The following RPH3A variants were observed in gnomAD, a reference collection of about 807,000 sequenced individuals.
The protein encoded by RPH3A is rabphilin-3A.
Under a neutral mutation model 102.2 loss-of-function variants are expected in RPH3A, and 48 were observed. The observed-to-expected ratio is 0.47, with a 90% CI of 0.37 to 0.60. RPH3A has a LOEUF of 0.60. RPH3A is among the 20% of genes least tolerant of loss of function. The pLI, the probability that RPH3A is intolerant of heterozygous loss-of-function variation, is 0.00. For synonymous variants in RPH3A, 310 were observed against 324.3 expected (o/e 0.96, Z 0.47); for missense variants, 781 against 910.1 (o/e 0.86, Z 1.83).
chr12:112,825,607 G>C (rs1340371262), intron 2 of RPH3A, among the ~76,000 whole-genome samples: 2 of 152,166 alleles, frequency 1.3e-5, no homozygotes, highest in Non-Finnish European at 2.9e-5. Context: ...GCCTGGCTGA[G>C]TTGAGCCGCA....
chr12:112,883,260 T>C (rs758887455), intron 15 of RPH3A, 33 bp from the exon 16 acceptor site: 1 of 1,551,566 alleles, frequency 6.4e-7, no homozygotes, highest in South Asian at 1.1e-5. Context: ...CCCACTGAGG[T>C]AGGTGTCTCT....
chr12:112,894,727 A>C, intron 20 of RPH3A, 68 bp downstream of exon 20: 1 of 1,338,740 alleles, frequency 7.5e-7, no homozygotes, highest in South Asian at 1.3e-5. Flanking sequence ...ACAAATAGCC[A>C]CATAGCCATT....
In RPH3A at chr12:112,716,630, C is replaced by G. The variant is rs1339409709; in HGVS notation, c.-139-75513C>G. Reference sequence around the variant, plus strand: ...GTTGGAAGGGCACATCTCACTTTCACCCGTGTCTCATTGGCCACACCAAGT... The same window carrying G: ...GTTGGAAGGGCACATCTCACTTTCAGCCGTGTCTCATTGGCCACACCAAGT... On this transcript the variant is annotated intron_variant, in intron 1 of 21. Coordinates refer to the RPH3A transcript ENST00000543106. Among the ~76,000 whole-genome samples the G allele has an allele frequency of 5.3e-5, 8 of 152,274 alleles. 1 individual carries two copies. Among genetic ancestry groups the G allele is most frequent in the South Asian group, 4.2e-4 (2 of 4,818 alleles).
At chr12:112,829,235 T>C (rs1487387306) in intron 3 of RPH3A, among the ~76,000 whole-genome samples, 1 of 152,162 alleles carries the variant, frequency 6.6e-6, no homozygotes, top group Non-Finnish European at 1.5e-5. Context: ...AATGTCAGGA[T>C]GTAGTTGTTG....
chr12:112,894,507 G>T, intron 19 of RPH3A, 71 bp from the exon 20 acceptor site: 1 of 1,330,136 alleles, frequency 7.5e-7, no homozygotes, highest in Non-Finnish European at 1.1e-6. Context: ...TAAAGAAGGG[G>T]CCTTTGGGGT....
chr12:112,841,700 TTTTTTGG>T (rs1331207359), intron 4 of RPH3A, among the ~76,000 whole-genome samples: 1 of 115,930 alleles, frequency 8.6e-6, no homozygotes, highest in Non-Finnish European at 1.8e-5. Context: ...TTTTTTTTGT[TTTTTTGG>T]TTTTTTTTTT....
chr12:112,710,207 A>C (rs1781923576), intron 1 of RPH3A, among the ~76,000 whole-genome samples: 1 of 151,954 alleles, frequency 6.6e-6, no homozygotes, highest in Non-Finnish European at 1.5e-5. Flanking sequence ...CGATCTCCTG[A>C]CCTCGTGATC....
chr12:112,682,997 A>G (rs1370658436), intron 1 of RPH3A, among the ~76,000 whole-genome samples: 1 of 152,212 alleles, frequency 6.6e-6, no homozygotes, highest in Non-Finnish European at 1.5e-5. Flanking sequence ...TCTCTTTGGT[A>G]GCTTTGCATG....
intron 1 of RPH3A, among the ~76,000 whole-genome samples, chr12:112,701,469 G>C (rs1309783701): frequency 6.6e-6 from 1 of 152,242 alleles, no homozygotes; most frequent in African/African-American, 2.4e-5. Flanking sequence ...AGGTAGCTAT[G>C]AGAAGGTGGG....
At chr12:112,743,236 G>A (rs931585921) in intron 1 of RPH3A, among the ~76,000 whole-genome samples, 13 of 152,196 alleles carry the variant, frequency 8.5e-5, no homozygotes, top group African/African-American at 2.9e-4. Context: ...GGGGGTGGGT[G>A]GGGAGGAGCA....
chr12:112,646,893 T>C (rs1352562825), intron 1 of RPH3A, among the ~76,000 whole-genome samples: 1 of 152,168 alleles, frequency 6.6e-6, no homozygotes, highest in East Asian at 1.9e-4. Context: ...GAGATGACCT[T>C]GTAAATGGGC....
At chr12:112,582,620 T>TC (rs2039408087) in intron 1 of RPH3A, among the ~76,000 whole-genome samples, 1 of 144,522 alleles carries the variant, frequency 6.9e-6, no homozygotes, top group African/African-American at 2.6e-5. Context: ...CTAGCTTTTT[T>TC]TTTTTTTTTT....
intron 1 of RPH3A, among the ~76,000 whole-genome samples, chr12:112,703,749 T>C (rs1762024329): frequency 6.6e-6 from 1 of 152,142 alleles, no homozygotes; most frequent in African/African-American, 2.4e-5. Context: ...ATCCATGATC[T>C]CCACATCTGC....
chr12:112,805,147 C>A (rs964656665), intron 2 of RPH3A, among the ~76,000 whole-genome samples: 4 of 152,020 alleles, frequency 2.6e-5, no homozygotes, highest in African/African-American at 9.7e-5. Flanking sequence ...TTTTTTTAAA[C>A]AAAAGATTGG....
intron 4 of RPH3A, among the ~76,000 whole-genome samples, chr12:112,842,494 G>T (rs566736296): frequency 6.6e-6 from 1 of 152,144 alleles, no homozygotes; most frequent in African/African-American, 2.4e-5. Context: ...TGCCAGAAAA[G>T]GAATCAGAGC....
rs1263068316 is a variant in RPH3A, at chr12:112,792,174, T to C, written c.-108T>C. ...CCGCTGAGCTTTTAAACCAAGTCAT[T>C]GGGACTTAGCGTCTTTCTACCCGGC... On this transcript the variant is annotated 5_prime_UTR_variant, in exon 2 of 22. Transcript: ENST00000389385. 6.6e-6 allele frequency: 1 copy of C among 152,094 alleles called. No homozygotes were observed. The highest frequency in any genetic ancestry group is 2.1e-4 in the South Asian group (1 of 4,822). 9.4% of individuals were successfully genotyped at this position (152,094 alleles called of 1,614,324 possible).
intron 1 of RPH3A, among the ~76,000 whole-genome samples, chr12:112,609,924 T>A (rs2039625729): frequency 6.6e-6 from 1 of 152,232 alleles, no homozygotes; most frequent in African/African-American, 2.4e-5. Flanking sequence ...CTGGAATAGT[T>A]GTTCCACTTT....
At chr12:112,719,659 C>A (rs1483954238) in intron 1 of RPH3A, among the ~76,000 whole-genome samples, 2 of 145,214 alleles carry the variant, frequency 1.4e-5, no homozygotes, top group African/African-American at 5.2e-5. Context: ...AAATGACTAA[C>A]AGCCTCTTTG....
intron 1 of RPH3A, among the ~76,000 whole-genome samples, chr12:112,689,868 T>G (rs1299134882): frequency 6.6e-6 from 1 of 152,214 alleles, no homozygotes; most frequent in Non-Finnish European, 1.5e-5. Flanking sequence ...AATGAAACCT[T>G]AAGCTCAAAA....
Sources: allele counts gnomAD v4.1 joint callset (sites outside exome capture counted in the v4.1 genomes callset), GRCh38; gene constraint gnomAD v4.1.1; transcripts MANE v1.5; gene names NCBI Gene and HGNC (gene_info 2026-07-23, HGNC 2026-07-21).